The following PCBP3 variants were observed in gnomAD, a reference collection of about 807,000 sequenced individuals.
PCBP3 encodes poly(rC) binding protein 3.
In PCBP3, 25 loss-of-function variants were observed where a neutral mutation model predicts 52.7. The ratio of observed to expected loss-of-function variants is 0.47; its 90% CI spans 0.35 to 0.66. PCBP3 has a LOEUF of 0.66. PCBP3 is among the 30% of genes least tolerant of loss of function. PCBP3 has a pLI of 0.01. For synonymous variants in PCBP3, 162 were observed against 183.0 expected, an observed-to-expected ratio of 0.89 and a Z score of 0.93; for missense variants, 391 against 490.3, an observed-to-expected ratio of 0.80 and a Z score of 1.91.
At position 45,790,648 on chromosome 21, in the gene PCBP3, G is replaced by C. The variant is rs116995186; in HGVS notation, c.-126+35196G>C. ...GAACAAGCAGAGTCTGAGCCTAAGT[G>C]GCCAGCGAGGGACCCAGGAGACGCA... On this transcript the variant is annotated intron_variant, in intron 4 of 17. Coordinates refer to ENST00000681687, the MANE Select transcript of PCBP3 (RefSeq NM_001384156.1). Among the ~76,000 whole-genome samples, 748 of 152,250 alleles carry C rather than the reference G, an allele frequency of 4.9e-3. 6 individuals carry two copies. Among genetic ancestry groups the C allele is most frequent in the East Asian group, 0.038 (198 of 5,150 alleles).
intron 3 of PCBP3, among the ~76,000 whole-genome samples, chr21:45,742,588 T>G (rs2086536424): frequency 6.6e-6 from 1 of 152,250 alleles, no homozygotes; most frequent in Admixed American, 6.5e-5. Flanking sequence ...CTTATTGTGT[T>G]TACATTTAGA....
Position 45,815,989 on chromosome 21 carries a change from AGTGAGTG to A in PCBP3, c.-125-33957_-125-33951del, listed in dbSNP as rs1302119155. ...AGTGAGTGATGAGTGGTGAGTGGTG[AGTGAGTG>A]GTGAGTGGTGAGTGAGTGGTGAGTA... On this transcript the variant is annotated intron_variant, in intron 4 of 17. Transcript: ENST00000681687. Among the ~76,000 whole-genome samples the A allele has an allele frequency of 8.4e-4, 89 of 105,392 alleles. 1 individual carries two copies. Among genetic ancestry groups the A allele is most frequent in the Middle Eastern group, 8.2e-3 (1 of 122 alleles). The allele number at this position is 105,392 out of a possible 152,430, so 69.1% of individuals were successfully genotyped here.
rs532140683 is a variant in PCBP3 at position 45,656,802 on chromosome 21, C to T, written c.-278-12072C>T. On this transcript the variant is annotated intron_variant, in intron 1 of 17. Coordinates refer to ENST00000681687, the MANE Select transcript of PCBP3 (RefSeq NM_001384156.1). The surrounding 1 kb of genome is among the most constrained non-coding windows in gnomAD (Gnocchi z 4.3). Reference sequence around the variant, plus strand: ...TGATTTGCAAATATTTTCCCTCCAACTGTGAGTAGTCTTTTCATTTTCTTT... The same window carrying T: ...TGATTTGCAAATATTTTCCCTCCAATTGTGAGTAGTCTTTTCATTTTCTTT... 6.6e-5 allele frequency among the ~76,000 whole-genome samples: 10 copies of T among 152,152 alleles called. No individual in the cohort carries two copies. The East Asian group carries it at 1.9e-3, about 29-fold the overall frequency.
intron 5 of PCBP3, among the ~76,000 whole-genome samples, chr21:45,891,770 C>T (rs573139439): frequency 2.6e-5 from 4 of 152,346 alleles, no homozygotes; most frequent in Admixed American, 2.0e-4. Flanking sequence ...AACGGTGAGT[C>T]GGTCTGTGCC....
intron 13 of PCBP3, among the ~76,000 whole-genome samples, chr21:45,925,075 G>A (rs2075191009): frequency 1.1e-5 from 1 of 91,242 alleles, no homozygotes; most frequent in Admixed American, 9.5e-5. Context: ...GGGTGTGCGT[G>A]AGGAGATGCG....
chr21:45,929,922 G>A lies in PCBP3; in HGVS notation c.723G>A (p.Leu241=). 1 of 1,613,486 alleles carries A rather than the reference G, an allele frequency of 6.2e-7. No homozygotes were observed. Among genetic ancestry groups the A allele is most frequent in the Non-Finnish European group, 8.5e-7 (1 of 1,179,670 alleles). Residue 241 remains leucine, a synonymous_variant, in exon 14 of 18, where the codon TTG becomes TTA. Transcript: ENST00000681687. The part of the protein sequence containing the change: ...GQYAIPHPDQ[L]TKLHQLAMQQ... ...TCGTGTCCCTCCTACCCCAGCAGTT[G>A]ACCAAGCTCCACCAGTTGGCCATGC...
rs569818230 is a variant in PCBP3, at chr21:45,930,243, G to T, written c.796+248G>T. The stretch of plus-strand genomic sequence containing the variant: ...AGCTGGCCTTGCCATAGCCTTGCTT[G>T]TGAAGAGACGTCTGCCCACCGAGGG... On this transcript the variant is annotated intron_variant, in intron 14 of 17. Coordinates refer to ENST00000681687, the MANE Select transcript of PCBP3 (RefSeq NM_001384156.1). Among the ~76,000 whole-genome samples, 9 of 151,816 alleles carry T rather than the reference G, an allele frequency of 5.9e-5. No homozygotes were observed. The South Asian group carries it at 1.7e-3, about 28-fold the overall frequency.
rs926694814 is a variant in PCBP3, at chr21:45,928,148, G to A, written c.718-1769G>A. Reference sequence around the variant, plus strand: ...GCGCCTGCTTCCTCCTCCTGCCCCCGCAGGGCCTCGTGTATCTCCGGGAGG... The same window carrying A: ...GCGCCTGCTTCCTCCTCCTGCCCCCACAGGGCCTCGTGTATCTCCGGGAGG... On this transcript the variant is annotated intron_variant, in intron 13 of 17. Transcript: ENST00000681687. This position sits in a 1 kb window ranked among gnomAD's most constrained non-coding sequence, Gnocchi z 4.1. 6.6e-6 allele frequency among the ~76,000 whole-genome samples: 1 copy of A among 152,206 alleles called. No individual in the cohort carries two copies. Among genetic ancestry groups the A allele is most frequent in the African/African-American group, 2.4e-5 (1 of 41,458 alleles).
intron 4 of PCBP3, among the ~76,000 whole-genome samples, chr21:45,767,175 C>G (rs1226425618): frequency 6.6e-6 from 1 of 152,164 alleles, no homozygotes; most frequent in Non-Finnish European, 1.5e-5. Flanking sequence ...TTCTCACCCC[C>G]CCAAAGTAAA....
rs1446884343 is a variant in PCBP3, at chr21:45,928,007, G to A, written c.718-1910G>A. 6.6e-6 allele frequency among the ~76,000 whole-genome samples: 1 copy of A among 152,208 alleles called. No homozygotes were observed. Among genetic ancestry groups the A allele is most frequent in the African/African-American group, 2.4e-5 (1 of 41,454 alleles). ...GTGGCTGTGGATGAATTTGCCAGGA[G>A]TGTCTCACCCCGCCGTGGGCGATCT... On this transcript the variant is annotated intron_variant, in intron 13 of 17. Coordinates refer to ENST00000681687, the MANE Select transcript of PCBP3 (RefSeq NM_001384156.1). This position sits in a 1 kb window ranked among gnomAD's most constrained non-coding sequence, Gnocchi z 4.1.
intron 2 of PCBP3, among the ~76,000 whole-genome samples, chr21:45,695,641 T>C (rs894828058): frequency 1.3e-5 from 2 of 152,342 alleles, no homozygotes; most frequent in South Asian, 2.1e-4. Flanking sequence ...CCCATCTTGA[T>C]AGTTAATCCC....
chr21:45,745,518 C>T (rs1022301856), intron 3 of PCBP3, among the ~76,000 whole-genome samples: 12 of 152,186 alleles, frequency 7.9e-5, no homozygotes, highest in African/African-American at 2.4e-4. Context: ...AACCCAGATG[C>T]ACCTCGTGTG....
chr21:45,778,797 G>A (rs1445701839), intron 4 of PCBP3, among the ~76,000 whole-genome samples: 1 of 152,184 alleles, frequency 6.6e-6, no homozygotes, highest in Non-Finnish European at 1.5e-5. Flanking sequence ...AGACCCCCCA[G>A]TAGTGAGGGC....
chr21:45,935,463 T>C (rs1019652551), intron 16 of PCBP3, 158 bp downstream of exon 16: 1 of 705,048 alleles, frequency 1.4e-6, no homozygotes, highest in African/African-American at 1.7e-5. Flanking sequence ...CCTTTCCTTT[T>C]TAAAGTGGGT....
intron 2 of PCBP3, among the ~76,000 whole-genome samples, chr21:45,678,284 C>T (rs1053863220): frequency 4.7e-5 from 7 of 148,464 alleles, no homozygotes; most frequent in South Asian, 2.1e-4. Flanking sequence ...CTAGCCTGGG[C>T]GACAGAGCGA....
chr21:45,745,017 C>A (rs988203116), intron 3 of PCBP3, among the ~76,000 whole-genome samples: 2 of 152,140 alleles, frequency 1.3e-5, no homozygotes, highest in Admixed American at 1.3e-4. Flanking sequence ...GAGTGGCACC[C>A]ACTGTAGGCA....
intron 2 of PCBP3, among the ~76,000 whole-genome samples, chr21:45,694,588 A>G (rs2082662093): frequency 6.6e-6 from 1 of 152,232 alleles, no homozygotes; most frequent in South Asian, 2.1e-4. Flanking sequence ...ACAGAACTGA[A>G]AAGAGGAATA....
intron 2 of PCBP3, among the ~76,000 whole-genome samples, chr21:45,675,611 C>A (rs1450040102): frequency 1.3e-5 from 2 of 152,150 alleles, no homozygotes; most frequent in Admixed American, 1.3e-4. Context: ...AGAGCGGGGC[C>A]TCAAACCCTC....
intron 5 of PCBP3, among the ~76,000 whole-genome samples, chr21:45,870,276 G>A (rs551296876): frequency 9.3e-4 from 141 of 152,032 alleles, no homozygotes; most frequent in African/African-American, 3.3e-3. Flanking sequence ...GATATTTTTA[G>A]CAGATACCAT....
Sources: gnomAD v4.1 joint callset for allele counts (sites outside exome capture counted in the v4.1 genomes callset) on GRCh38, gnomAD v4.1.1 for gene constraint, Gnocchi (gnomAD v3.1) non-coding constraint, MANE v1.5 for transcripts, NCBI Gene and HGNC (gene_info 2026-07-23, HGNC 2026-07-21) for gene names.